KREMEN1: variants seen among roughly 807,000 people sequenced by gnomAD.
The protein encoded by KREMEN1 is kremen protein 1.
In KREMEN1, 30 loss-of-function variants were observed where a neutral mutation model predicts 46.5. The ratio of observed to expected loss-of-function variants is 0.65; its 90% CI spans 0.48 to 0.88. The LOEUF (loss-of-function observed/expected upper bound fraction) is 0.88, where lower values mean the gene tolerates loss of function less well. Among genes scored for constraint, KREMEN1 ranks in the 40% least tolerant of loss-of-function variants. The pLI is 0.00. For synonymous variants in KREMEN1, 214 were observed against 230.6 expected, an observed-to-expected ratio of 0.93 and a Z score of 0.65; for missense variants, 533 against 596.9, an observed-to-expected ratio of 0.89 and a Z score of 1.11.
At chr22:29,167,280 G>A (rs2039060999) in exon 10 of KREMEN1, 1 of 629,910 alleles carries the variant, frequency 1.6e-6, no homozygotes, top group East Asian at 2.8e-5. Flanking sequence ...GATTGCTTGA[G>A]CCCAGGAGGT....
rs564325527 is a variant in KREMEN1 at position 29,156,622 on chromosome 22, AC to A, written c.1417-10419del. 2.5e-4 allele frequency among the ~76,000 whole-genome samples: 38 copies of A among 152,218 alleles called. No homozygotes were observed. In the East Asian group the frequency reaches 6.0e-3, roughly 24 times the overall value. On this transcript the variant is annotated intron_variant, in intron 9 of 9. Transcript: ENST00000327813. ...CAAAACTCTAAATGAGGTACTAGGA[AC>A]CCACCCCTAAGAAGGCCCCCACACT...
At chr22:29,163,588 G>A (rs1384802906) in intron 9 of KREMEN1, among the ~76,000 whole-genome samples, 4 of 152,166 alleles carry the variant, frequency 2.6e-5, no homozygotes, top group African/African-American at 9.6e-5. Context: ...TGTTGGCCAG[G>A]TTGGTCTGGA....
chr22:29,106,400 T>C (rs1303218633), intron 3 of KREMEN1, among the ~76,000 whole-genome samples: 1 of 151,850 alleles, frequency 6.6e-6, no homozygotes, highest in Non-Finnish European at 1.5e-5. Context: ...TTTTTTTTTT[T>C]TTGTATTTTT....
chr22:29,113,728 C>T (rs5997438), intron 3 of KREMEN1, among the ~76,000 whole-genome samples: 10,393 of 152,140 alleles, frequency 0.068, 916 homozygotes, highest in South Asian at 0.19. Flanking sequence ...GTGGTGGCAC[C>T]AGTGCCCTTC....
Position 29,080,941 on chromosome 22 carries a change from C to CTTCTTTTTT in KREMEN1, c.97+7716_97+7717insCTTTTTTTT, listed in dbSNP as rs134612. On this transcript the variant is annotated intron_variant, in intron 1 of 8. Coordinates refer to ENST00000400335, the MANE Select transcript of KREMEN1 (RefSeq NM_001039570.3). ...GTCCTGATTGTATTATTTTTTTGTC[C>CTTCTTTTTT]TTTTTTTTTTTTTTTTTTTTTAGCG... is the stretch of plus-strand genomic sequence containing the variant. Among the ~76,000 whole-genome samples the CTTCTTTTTT allele has an allele frequency of 1.2e-4, 14 of 112,240 alleles. 2 individuals are homozygous for CTTCTTTTTT. Among genetic ancestry groups the CTTCTTTTTT allele is most frequent in the African/African-American group, 1.4e-4 (4 of 28,464 alleles). The allele number at this position is 112,240 out of a possible 152,430, so 73.6% of individuals were successfully genotyped here.
intron 1 of KREMEN1, among the ~76,000 whole-genome samples, chr22:29,077,384 C>T (rs1032830894): frequency 6.6e-6 from 1 of 152,172 alleles, no homozygotes; most frequent in Admixed American, 6.5e-5. Context: ...GAGTCTCACT[C>T]TGTCACCCAA....
Position 29,142,678 on chromosome 22 carries a change from T to G in KREMEN1, c.*566T>G, listed in dbSNP as rs2038784367. ...GCAGTGTCTGTGCTGCCCCGGCAGCTTTGCTCTCCAGATGCTGGACTAGGG... is the reference window on the plus strand; with the variant it reads ...GCAGTGTCTGTGCTGCCCCGGCAGCGTTGCTCTCCAGATGCTGGACTAGGG... On this transcript the variant is annotated 3_prime_UTR_variant, in exon 9 of 9. Transcript: ENST00000400335. 1.0e-6 allele frequency: 1 copy of G among 985,522 alleles called. No individual in the cohort carries two copies. The highest frequency in any genetic ancestry group is 1.2e-6 in the Non-Finnish European group (1 of 830,024). 61.0% of individuals were successfully genotyped at this position (985,522 alleles called of 1,614,324 possible).
Position 29,144,584 on chromosome 22 carries a change from T to C in KREMEN1, c.*2472T>C. ...CACGTGCAGTCTCCCCTCCAAGCTA[T>C]TCATGCTGTTTGTGGAATCTCTCTC... is the stretch of plus-strand genomic sequence containing the variant. On this transcript the variant is annotated 3_prime_UTR_variant, in exon 9 of 9. Transcript: ENST00000400335. 1.0e-6 allele frequency: 1 copy of C among 985,576 alleles called. No individual in the cohort carries two copies. Among genetic ancestry groups the C allele is most frequent in the Non-Finnish European group, 1.2e-6 (1 of 830,002 alleles). 61.1% of individuals were successfully genotyped at this position (985,576 alleles called of 1,614,324 possible). A position where few individuals can be genotyped will look rare whatever the true frequency, so the allele number is the denominator to read the frequency against.
intron 9 of KREMEN1, among the ~76,000 whole-genome samples, chr22:29,166,394 C>T (rs1291325625): frequency 6.6e-6 from 1 of 152,144 alleles, no homozygotes; most frequent in Non-Finnish European, 1.5e-5. Context: ...CACTTCTGCT[C>T]CTCACATCTG....
intron 5 of KREMEN1, among the ~76,000 whole-genome samples, chr22:29,131,726 ATGTATATATG>A (rs2038557268): frequency 7.3e-6 from 1 of 137,194 alleles, no homozygotes; most frequent in Non-Finnish European, 1.5e-5. Context: ...ATGTATATAT[ATGTATATATG>A]TGTATATATA....
chr22:29,135,503 G>A (rs2038641834), intron 5 of KREMEN1, among the ~76,000 whole-genome samples: 1 of 152,126 alleles, frequency 6.6e-6, no homozygotes, highest in African/African-American at 2.4e-5. Context: ...AAGGAAGTGG[G>A]CAGTATTCCA....
intron 5 of KREMEN1, among the ~76,000 whole-genome samples, chr22:29,131,967 G>C (rs1463900236): frequency 1.4e-5 from 2 of 140,740 alleles, no homozygotes; most frequent in African/African-American, 5.3e-5. Context: ...CCGCCTCCCT[G>C]GTTCAAGCCA....
intron 5 of KREMEN1, among the ~76,000 whole-genome samples, chr22:29,130,315 G>T (rs2038512675): frequency 6.6e-6 from 1 of 152,178 alleles, no homozygotes; most frequent in Admixed American, 6.5e-5. Context: ...CTAAGGATGG[G>T]TAGGATCTGG....
At position 29,146,500 on chromosome 22, in the gene KREMEN1, G is replaced by T. The variant is rs547901551; in HGVS notation, c.*4388G>T. 1.0e-4 allele frequency: 102 copies of T among 985,532 alleles called. 3 individuals are homozygous for T. In the South Asian group the frequency reaches 4.2e-3, roughly 40 times the overall value. 61.0% of individuals were successfully genotyped at this position (985,532 alleles called of 1,614,324 possible). On this transcript the variant is annotated 3_prime_UTR_variant, in exon 9 of 9. Coordinates refer to ENST00000400335, the MANE Select transcript of KREMEN1 (RefSeq NM_001039570.3). Reference sequence around the variant, plus strand: ...ACACAAAGACTGGAGGCCCTTCCCCGCCCGCACGGGAGCTGCCATCGTGGG... The same window carrying T: ...ACACAAAGACTGGAGGCCCTTCCCCTCCCGCACGGGAGCTGCCATCGTGGG...
At chr22:29,125,549 C>T in intron 5 of KREMEN1, 133 bp downstream of exon 5, 1 of 883,696 alleles carries the variant, frequency 1.1e-6, no homozygotes, top group South Asian at 1.7e-5. Flanking sequence ...GTGACTAGAC[C>T]CTGGGAATAC....
intron 1 of KREMEN1, among the ~76,000 whole-genome samples, chr22:29,074,848 C>G (rs564267621): frequency 6.6e-6 from 1 of 152,312 alleles, no homozygotes; most frequent in East Asian, 1.9e-4. Flanking sequence ...AGGATAACTT[C>G]TTTGCAGAGT....
intron 9 of KREMEN1, among the ~76,000 whole-genome samples, chr22:29,166,240 T>C (rs572074653): frequency 1.9e-4 from 28 of 150,080 alleles, no homozygotes; most frequent in African/African-American, 3.7e-4. Flanking sequence ...TTTTTTTTTT[T>C]CCACAAATAC....
chr22:29,139,866 G>A (rs546529945), intron 7 of KREMEN1, among the ~76,000 whole-genome samples: 15 of 152,272 alleles, frequency 9.9e-5, no homozygotes, highest in South Asian at 2.1e-4. Context: ...CTTCCTGTGC[G>A]TCATTAGGCT....
At chr22:29,122,940 CAAAAA>C (rs140855395) in intron 4 of KREMEN1, among the ~76,000 whole-genome samples, 1 of 56,406 alleles carries the variant, frequency 1.8e-5, no homozygotes. Context: ...GACTCTGTCT[CAAAAA>C]AAAAAAAAAA....
Sources: allele counts gnomAD v4.1 joint callset (sites outside exome capture counted in the v4.1 genomes callset), GRCh38; gene constraint gnomAD v4.1.1; transcripts MANE v1.5; gene names NCBI Gene and HGNC (gene_info 2026-07-23, HGNC 2026-07-21).